GPBP1: variants seen among roughly 807,000 people sequenced by gnomAD.
GPBP1 encodes GC-rich promoter binding protein 1, also known as vasculin.
In GPBP1, 13 loss-of-function variants were observed where a neutral mutation model predicts 56.5. The ratio of observed to expected loss-of-function variants is 0.23; its 90% CI spans 0.15 to 0.37. The LOEUF (loss-of-function observed/expected upper bound fraction) is 0.37. GPBP1 is among the 10% of genes least tolerant of loss of function. GPBP1 has a pLI of 1.00. For missense variants in GPBP1, 477 were observed against 572.3 expected, an observed-to-expected ratio of 0.83 and a Z score of 1.70; for synonymous variants, 204 against 188.9, an observed-to-expected ratio of 1.08 and a Z score of -0.66.
chr5:57,234,740 A>T (rs1331928219), intron 5 of GPBP1, among the ~76,000 whole-genome samples: 1 of 152,206 alleles, frequency 6.6e-6, no homozygotes, highest in Non-Finnish European at 1.5e-5. Flanking sequence ...TCTGAGATAC[A>T]GTTGCCCAGA....
At chr5:57,238,852 T>G (rs948241419) in intron 6 of GPBP1, among the ~76,000 whole-genome samples, 1 of 152,240 alleles carries the variant, frequency 6.6e-6, no homozygotes, top group African/African-American at 2.4e-5. Flanking sequence ...GGTTCATTGC[T>G]CAGAGTTCTT....
intron 6 of GPBP1, among the ~76,000 whole-genome samples, chr5:57,242,417 G>T (rs183669300): frequency 6.6e-6 from 1 of 152,240 alleles, no homozygotes; most frequent in East Asian, 1.9e-4. Flanking sequence ...TATACAACTG[G>T]TAAGGTTGGA....
intron 11 of GPBP1, 145 bp from the exon 12 acceptor site, chr5:57,262,449 T>C: frequency 1.6e-6 from 1 of 642,234 alleles, no homozygotes; most frequent in Non-Finnish European, 2.7e-6. Context: ...ATCTACTTTG[T>C]CTGGATCCAG....
rs115447141 is a variant in GPBP1 at position 57,190,445 on chromosome 5, C to T, written c.-58+14045C>T. 4.4e-3 allele frequency among the ~76,000 whole-genome samples: 661 copies of T among 151,818 alleles called. 5 individuals carry two copies. Among genetic ancestry groups the T allele is most frequent in the African/African-American group, 0.015 (611 of 41,420 alleles). On this transcript the variant is annotated intron_variant, in intron 2 of 11. Transcript: ENST00000506184. ...ACTAAAAGTATAAAAATTAGCCGAG[C>T]GTGTTGGCACGCACCTGTAATCTCA...
chr5:57,229,553 G>T (rs1756352195), intron 3 of GPBP1, among the ~76,000 whole-genome samples: 2 of 149,040 alleles, frequency 1.3e-5, no homozygotes, highest in Admixed American at 6.7e-5. Flanking sequence ...TTTTGATGGA[G>T]TCTTACTCTG....
chr5:57,251,511 A>G (rs1741385880), intron 10 of GPBP1, among the ~76,000 whole-genome samples: 1 of 151,504 alleles, frequency 6.6e-6, no homozygotes, highest in African/African-American at 2.4e-5. Context: ...ATTGCTGAAT[A>G]GTACACTATA....
In GPBP1 at chr5:57,215,130, C is replaced by T. The variant is rs147698163; in HGVS notation, c.63+937C>T. 3.2e-3 allele frequency among the ~76,000 whole-genome samples: 483 copies of T among 152,298 alleles called. 4 individuals are homozygous for T. Among genetic ancestry groups the T allele is most frequent in the African/African-American group, 0.011 (459 of 41,564 alleles). On this transcript the variant is annotated intron_variant, in intron 3 of 11. Transcript: ENST00000506184. ...TTTTCTATACTGTTTTTTACTCTTA[C>T]ATGGATTGACTTGTTAATGATATCC...
intron 6 of GPBP1, among the ~76,000 whole-genome samples, chr5:57,242,375 A>G (rs567517170): frequency 6.6e-5 from 10 of 152,326 alleles, no homozygotes; most frequent in South Asian, 6.2e-4. Flanking sequence ...TTTTCATTTT[A>G]TAGGTGAGAG....
At chr5:57,237,025 T>A in intron 6 of GPBP1, 1 of 562,362 alleles carries the variant, frequency 1.8e-6, no homozygotes, top group Non-Finnish European at 2.9e-6. Context: ...AGGGTGGGGG[T>A]GGGGGTGGTC....
chr5:57,201,052 G>C (rs1754997140), intron 2 of GPBP1, among the ~76,000 whole-genome samples: 5 of 151,548 alleles, frequency 3.3e-5, no homozygotes, highest in Admixed American at 3.3e-4. Context: ...TTGAACTCCT[G>C]ATCTCGGGTA....
At chr5:57,226,553 C>CTT (rs34180383) in intron 3 of GPBP1, among the ~76,000 whole-genome samples, 2,772 of 62,172 alleles carry the variant, frequency 0.045, 242 homozygotes, top group African/African-American at 0.12. Flanking sequence ...AGCATTTTTG[C>CTT]TTTTTTTTTT....
At chr5:57,223,645 C>G (rs1392358923) in intron 3 of GPBP1, among the ~76,000 whole-genome samples, 1 of 151,962 alleles carries the variant, frequency 6.6e-6, no homozygotes. Flanking sequence ...CCTCACACCT[C>G]CGTAAGGCTG....
intron 2 of GPBP1, among the ~76,000 whole-genome samples, chr5:57,207,179 T>G (rs956330044): frequency 6.6e-6 from 1 of 152,240 alleles, no homozygotes; most frequent in African/African-American, 2.4e-5. Flanking sequence ...TCACTGTTAC[T>G]TTACAGTAAG....
intron 3 of GPBP1, among the ~76,000 whole-genome samples, chr5:57,216,129 T>C (rs1561345519): frequency 6.6e-6 from 1 of 152,186 alleles, no homozygotes; most frequent in Non-Finnish European, 1.5e-5. Context: ...GGGTAGAGCC[T>C]TCATTCTGTG....
At chr5:57,203,123 A>T (rs55701924) in intron 2 of GPBP1, among the ~76,000 whole-genome samples, 5,722 of 152,308 alleles carry the variant, frequency 0.038, 155 homozygotes, top group African/African-American at 0.068. Flanking sequence ...TGTGTGTTGT[A>T]TCTTTAATAT....
chr5:57,228,293 G>A (rs555022841), intron 3 of GPBP1, among the ~76,000 whole-genome samples: 2 of 151,932 alleles, frequency 1.3e-5, no homozygotes, highest in African/African-American at 4.8e-5. Context: ...CATCTCTACT[G>A]AAAGTACAAA....
Position 57,175,769 on chromosome 5 carries a change from G to GCTCT in GPBP1, c.-689_-688insCTCT. 2.5e-6 allele frequency: 1 copy of GCTCT among 396,810 alleles called. No homozygotes were observed. Among genetic ancestry groups the GCTCT allele is most frequent in the East Asian group, 3.6e-5 (1 of 28,014 alleles). The allele number at this position is 396,810 out of a possible 1,614,324, so 24.6% of individuals were successfully genotyped here. Reference sequence around the variant, plus strand: ...TGGGGTTCTTCAGCCGAAACTGAGAGACGTTGATTTGTGTACTGAGTAGTT... The same window carrying GCTCT: ...TGGGGTTCTTCAGCCGAAACTGAGAGCTCTACGTTGATTTGTGTACTGAGTAGTT... On this transcript the variant is annotated 5_prime_UTR_variant, in exon 2 of 12. Transcript: ENST00000506184.
chr5:57,223,235 C>T (rs1044640327), intron 3 of GPBP1, among the ~76,000 whole-genome samples: 2 of 152,018 alleles, frequency 1.3e-5, no homozygotes, highest in East Asian at 1.9e-4. Flanking sequence ...GGACTACACG[C>T]GTGTGCCACC....
intron 5 of GPBP1, among the ~76,000 whole-genome samples, chr5:57,234,529 C>T (rs1234692433): frequency 1.3e-5 from 2 of 152,030 alleles, no homozygotes; most frequent in Non-Finnish European, 2.9e-5. Flanking sequence ...AGTGAAGCCA[C>T]GAATTTGAGA....
Sources: gnomAD v4.1 joint callset for allele counts (sites outside exome capture counted in the v4.1 genomes callset) on GRCh38, gnomAD v4.1.1 for gene constraint, MANE v1.5 for transcripts, NCBI Gene and HGNC (gene_info 2026-07-23, HGNC 2026-07-21) for gene names.